Variants in PPFIBP1 observed in about 807,000 individuals in gnomAD.
PPFIBP1 encodes PPFIB scaffold protein 1.
Under a neutral mutation model 137.8 loss-of-function variants are expected in PPFIBP1, and 112 were observed. That is an observed-to-expected ratio of 0.81 (90% confidence interval 0.70 to 0.95). The LOEUF is 0.95. PPFIBP1 is among the 40% of genes least tolerant of loss of function. The pLI is 0.00. For synonymous variants in PPFIBP1, 378 were observed against 417.3 expected, an observed-to-expected ratio of 0.91 and a Z score of 1.15; for missense variants, 1,083 against 1,196.6, an observed-to-expected ratio of 0.91 and a Z score of 1.40.
In PPFIBP1 at chr12:27,660,844, A is replaced by C. The variant is rs773812161; in HGVS notation, c.845-40A>C. 1.9e-6 allele frequency: 3 copies of C among 1,605,978 alleles called. No individual in the cohort carries two copies. The African/African-American group carries it at 4.0e-5, about 22-fold the overall frequency. ...AAATAACTTCTTATCACTGTCACAC[A>C]TGTGAACTGAACTGACTTCTGATTT... On this transcript the variant is annotated intron_variant, in intron 10 of 29. Coordinates refer to ENST00000228425, the MANE Select transcript of PPFIBP1 (RefSeq NM_003622.4).
At chr12:27,674,261 C>A in intron 17 of PPFIBP1, 40 bp downstream of exon 17, 2 of 1,507,462 alleles carry the variant, frequency 1.3e-6, no homozygotes, top group Non-Finnish European at 1.8e-6. Context: ...AATATTTCTA[C>A]TTCCATTACA....
intron 2 of PPFIBP1, among the ~76,000 whole-genome samples, chr12:27,597,406 G>T (rs182031339): frequency 2.0e-5 from 3 of 152,040 alleles, no homozygotes; most frequent in African/African-American, 7.2e-5. Flanking sequence ...CACCCACCTC[G>T]GCTCCCCAAA....
chr12:27,530,943 A>G (rs879416483), intron 1 of PPFIBP1, among the ~76,000 whole-genome samples: 4 of 152,196 alleles, frequency 2.6e-5, no homozygotes, highest in Non-Finnish European at 5.9e-5. Context: ...GCATTCTGCA[A>G]CTGCTCTACT....
chr12:27,607,769 T>C (rs1219545321), intron 2 of PPFIBP1, among the ~76,000 whole-genome samples: 1 of 152,194 alleles, frequency 6.6e-6, no homozygotes, highest in East Asian at 1.9e-4. Context: ...GGGTGTGACC[T>C]TGAACTCCCA....
intron 2 of PPFIBP1, among the ~76,000 whole-genome samples, chr12:27,606,351 C>A (rs1214434445): frequency 1.3e-5 from 2 of 151,974 alleles, no homozygotes; most frequent in African/African-American, 4.8e-5. Flanking sequence ...CTCATGTACC[C>A]ACTTGGTAAG....
intron 2 of PPFIBP1, among the ~76,000 whole-genome samples, chr12:27,609,887 C>T (rs1207730652): frequency 6.6e-6 from 1 of 152,184 alleles, no homozygotes; most frequent in African/African-American, 2.4e-5. Flanking sequence ...GTGACACTTG[C>T]AGATGACATT....
intron 1 of PPFIBP1, among the ~76,000 whole-genome samples, chr12:27,524,805 T>C (rs1029996136): frequency 2.0e-5 from 3 of 152,218 alleles, no homozygotes; most frequent in South Asian, 2.1e-4. Flanking sequence ...TTGTGGCCTA[T>C]TATATATTAA....
Position 27,664,346 on chromosome 12 carries a change from T to C in PPFIBP1, c.907-16T>C. On this transcript the variant is annotated splice_polypyrimidine_tract_variant and intron_variant, in intron 11 of 29. Transcript: ENST00000228425. ...AAGAACATAGGATTAAAGATTACAA[T>C]TTATTTTATTCCTAGGATCGGAAAA... 6.4e-7 allele frequency: 1 copy of C among 1,551,034 alleles called. No individual in the cohort carries two copies. Among genetic ancestry groups the C allele is most frequent in the South Asian group, 1.1e-5 (1 of 88,476 alleles).
intron 13 of PPFIBP1, among the ~76,000 whole-genome samples, chr12:27,668,150 C>A (rs2059974260): frequency 6.6e-6 from 1 of 152,168 alleles, no homozygotes; most frequent in South Asian, 2.1e-4. Flanking sequence ...ATACACTCGC[C>A]CCCTTTCCGA....
intron 2 of PPFIBP1, among the ~76,000 whole-genome samples, chr12:27,619,492 A>G (rs371557623): frequency 2.0e-5 from 3 of 152,220 alleles, no homozygotes; most frequent in South Asian, 2.1e-4. Context: ...GTAAAGGATG[A>G]CAGGGTAATG....
intron 16 of PPFIBP1, 98 bp downstream of exon 16, chr12:27,673,925 G>A: frequency 2.8e-6 from 3 of 1,086,420 alleles, no homozygotes; most frequent in African/African-American, 1.6e-5. Flanking sequence ...AAACTCTTAT[G>A]AAGAGCTTGT....
At chr12:27,641,827 G>A (rs953558419) in intron 4 of PPFIBP1, among the ~76,000 whole-genome samples, 1 of 152,132 alleles carries the variant, frequency 6.6e-6, no homozygotes. Context: ...GAGAACACAG[G>A]GGGCGGGACA....
rs149712729 is a variant in PPFIBP1 at position 27,600,118 on chromosome 12, A to G, written c.-36+21879A>G. 1.4e-3 allele frequency among the ~76,000 whole-genome samples: 220 copies of G among 152,262 alleles called. 1 individual carries two copies. Among genetic ancestry groups the G allele is most frequent in the African/African-American group, 5.1e-3 (213 of 41,538 alleles). On this transcript the variant is annotated intron_variant, in intron 2 of 29. Transcript: ENST00000228425. ...TGTACTATGTTTGCAACTTCTCTGT[A>G]AGTCTAAAATTAGGTCAAAATAAAG...
At chr12:27,602,860 T>A (rs1315267239) in intron 2 of PPFIBP1, among the ~76,000 whole-genome samples, 1 of 152,204 alleles carries the variant, frequency 6.6e-6, no homozygotes, top group African/African-American at 2.4e-5. Context: ...GATAGCCTCA[T>A]TTAGTTTTTG....
chr12:27,688,686 C>A (rs2061337885), intron 26 of PPFIBP1, among the ~76,000 whole-genome samples: 2 of 152,112 alleles, frequency 1.3e-5, no homozygotes, highest in South Asian at 4.1e-4. Context: ...TGTTTGAAAA[C>A]CCCTGCAAGG....
intron 18 of PPFIBP1, 90 bp from the exon 19 acceptor site, chr12:27,676,974 G>C (rs1353613611): frequency 8.3e-6 from 13 of 1,560,988 alleles, no homozygotes; most frequent in Non-Finnish European, 1.1e-5. Flanking sequence ...TATTTGGCGA[G>C]GAGGAGTCTG....
chr12:27,595,912 TATATATATA>T (rs1472016288), intron 2 of PPFIBP1, among the ~76,000 whole-genome samples: 2,391 of 119,386 alleles, frequency 0.02, 28 homozygotes, highest in Non-Finnish European at 0.03. Context: ...TATATATATA[TATATATATA>T]TTTTATGCCC....
chr12:27,606,691 C>T lies in PPFIBP1; in HGVS notation c.-35-26671C>T, dbSNP rs118147173. Among the ~76,000 whole-genome samples, 76 of 152,192 alleles carry T rather than the reference C, an allele frequency of 5.0e-4. No individual in the cohort carries two copies. The East Asian group carries it at 0.014, about 29-fold the overall frequency. On this transcript the variant is annotated intron_variant, in intron 2 of 29. Transcript: ENST00000228425. ...TCCGTAAGTTTGGGCTGGGGAAGAC[C>T]CAACTGGTAAGAAAATTATCCCACA...
At chr12:27,655,249 TGGGTGATGGGGTCCA>T (rs2059124660) in intron 8 of PPFIBP1, 2 of 1,484,986 alleles carry the variant, frequency 1.3e-6, no homozygotes, top group Non-Finnish European at 1.8e-6. Flanking sequence ...TAGTAGACGT[TGGGTGATGGGGTCCA>T]TGGCCTGTTG....
Sources: gnomAD v4.1 joint callset for allele counts (sites outside exome capture counted in the v4.1 genomes callset) on GRCh38, gnomAD v4.1.1 for gene constraint, MANE v1.5 for transcripts, NCBI Gene and HGNC (gene_info 2026-07-23, HGNC 2026-07-21) for gene names.